RNF123: variants seen among roughly 807,000 people sequenced by gnomAD.
The protein encoded by RNF123 is E3 ubiquitin-protein ligase RNF123.
Under a neutral mutation model 168.5 loss-of-function variants are expected in RNF123, and 86 were observed. The observed-to-expected ratio is 0.51, with a 90% CI of 0.43 to 0.61. The LOEUF (loss-of-function observed/expected upper bound fraction) is 0.61. Ranked by LOEUF, RNF123 falls within the 20% of genes least tolerant of loss-of-function variation. The pLI is 0.00. For missense variants in RNF123, 1,419 were observed against 1,729.7 expected, an observed-to-expected ratio of 0.82 and a Z score of 3.19; for synonymous variants, 666 against 689.1, an observed-to-expected ratio of 0.97 and a Z score of 0.52.
At chr3:49,716,080 T>G in intron 33 of RNF123, 22 bp from the exon 34 acceptor site, 2 of 1,613,740 alleles carry the variant, frequency 1.2e-6, no homozygotes, top group Non-Finnish European at 1.7e-6. Flanking sequence ...CATCCACCAA[T>G]GGACTCCTGC....
rs1445577453 is a variant in RNF123, at chr3:49,701,614, T to C, written c.1395+6T>C. ...CCCACTGCTCCAGTAGGGAGGTGAGTGCACCCCAAGTGGGATGGGCAGAGG... is the reference window on the plus strand; with the variant it reads ...CCCACTGCTCCAGTAGGGAGGTGAGCGCACCCCAAGTGGGATGGGCAGAGG... On this transcript the variant is annotated splice_donor_region_variant and intron_variant, in intron 16 of 38. Transcript: ENST00000327697. The C allele has an allele frequency of 3.7e-6, 6 of 1,609,524 alleles. No homozygotes were observed. The highest frequency in any genetic ancestry group is 5.1e-6 in the Non-Finnish European group (6 of 1,176,494).
intron 19 of RNF123, 98 bp downstream of exon 19, chr3:49,702,503 C>G (rs2054424325): frequency 1.2e-6 from 2 of 1,602,416 alleles, no homozygotes; most frequent in East Asian, 2.2e-5. Flanking sequence ...TCATCCCTGC[C>G]TAGCCCCAAG....
chr3:49,692,726 T>A (rs1401631653), intron 3 of RNF123, among the ~76,000 whole-genome samples: 1 of 152,240 alleles, frequency 6.6e-6, no homozygotes, highest in African/African-American at 2.4e-5. Flanking sequence ...ACATGCAATG[T>A]TTGTCTTTTT....
At chr3:49,715,524 G>C (rs776804938) in intron 31 of RNF123, 51 bp from the exon 32 acceptor site, 8 of 1,608,970 alleles carry the variant, frequency 5.0e-6, no homozygotes, top group Non-Finnish European at 5.9e-6. Context: ...CAAACAGGCA[G>C]AGGCCACTGC....
chr3:49,705,102 T>A lies in RNF123; in HGVS notation c.2078T>A (p.Met693Lys). Residue 693 changes from methionine to lysine, a missense_variant, in exon 23 of 39, where the codon ATG (methionine) becomes AAG (lysine). Physicochemically the swap from Met to Lys is moderately conservative, Grantham distance 95 (BLOSUM62 -1). This residue lies in a region of RNF123 where 538 missense variants were observed against 708.8 expected (regional missense o/e 0.76). Transcript: ENST00000327697. Reference sequence around the variant, plus strand: ...CTCAGCACAGCGGCTGTGAGCCTCATGACCCCACGGCGGCCTCTGAGCACC... The same window carrying A: ...CTCAGCACAGCGGCTGTGAGCCTCAAGACCCCACGGCGGCCTCTGAGCACC... ...RFLSTAAVSL[M>K]TPRRPLSTSE... 6.2e-7 allele frequency: 1 copy of A among 1,611,436 alleles called. No individual in the cohort carries two copies. The highest frequency in any genetic ancestry group is 8.5e-7 in the Non-Finnish European group (1 of 1,178,884).
chr3:49,693,404 T>A (rs948566251), intron 3 of RNF123, among the ~76,000 whole-genome samples: 1 of 129,980 alleles, frequency 7.7e-6, no homozygotes, highest in African/African-American at 2.9e-5. Context: ...TTGCCCAGCC[T>A]GGAGTGCAGT....
At chr3:49,704,596 C>G in intron 21 of RNF123, 54 bp from the exon 22 acceptor site, 1 of 1,467,026 alleles carries the variant, frequency 6.8e-7, no homozygotes, top group Non-Finnish European at 9.4e-7. Flanking sequence ...GGCACTTCCA[C>G]TGTGGCCCCT....
intron 34 of RNF123, 24 bp from the exon 35 acceptor site, chr3:49,716,369 T>C: frequency 6.2e-7 from 1 of 1,610,054 alleles, no homozygotes; most frequent in Non-Finnish European, 8.5e-7. Context: ...GGGTGGCTCA[T>C]CTCTTTCCTC....
chr3:49,704,517 G>T, intron 21 of RNF123, 133 bp from the exon 22 acceptor site: 1 of 684,924 alleles, frequency 1.5e-6, no homozygotes, highest in South Asian at 1.9e-5. Flanking sequence ...GGGGCGAGGG[G>T]CAGATACGGT....
Position 49,702,319 on chromosome 3 carries a change from T to C in RNF123, c.1558-15T>C. On this transcript the variant is annotated splice_polypyrimidine_tract_variant and intron_variant, in intron 18 of 38. Coordinates refer to ENST00000327697, the MANE Select transcript of RNF123 (RefSeq NM_022064.5). ...TTCTCAGCTCAGCACAGCCTCACTT[T>C]TCCCTCTCTCAAAGGGTGAAGCTTC... The C allele has an allele frequency of 6.2e-7, 1 of 1,613,968 alleles. No homozygotes were observed.
chr3:49,714,999 G>T (rs547840177), intron 31 of RNF123, among the ~76,000 whole-genome samples: 2 of 152,380 alleles, frequency 1.3e-5, no homozygotes, highest in Non-Finnish European at 2.9e-5. Flanking sequence ...CTGTCCTGCT[G>T]CTGCGGGAAC....
chr3:49,714,064 C>T (rs2080194705), intron 30 of RNF123, 26 bp from the exon 31 acceptor site: 2 of 1,613,956 alleles, frequency 1.2e-6, no homozygotes, highest in Non-Finnish European at 1.7e-6. Context: ...TCCCATTGAC[C>T]TGGGCACTGA....
rs34539806 is a variant in RNF123, at chr3:49,705,151, G to A, written c.2127G>A (p.Thr709=). 0.016 allele frequency: 25,320 copies of A among 1,606,880 alleles called. 264 individuals carry two copies. The highest frequency in any genetic ancestry group is 0.016 in the Non-Finnish European group (19,366 of 1,176,474). The part of the protein sequence containing the change: ...LSTSEKVKVR[T]LSVEQRTRED... ...CCTCGGAGAAAGTGAAGGTCCGCAC[G>A]CTGAGCGTGGAGCAGAGGACCCGTG... is the stretch of plus-strand genomic sequence containing the variant. Residue 709 remains threonine (T), a synonymous_variant, in exon 23 of 39, where the codon ACG becomes ACA. Transcript: ENST00000327697.
intron 35 of RNF123, chr3:49,719,317 A>C: frequency 6.2e-7 from 1 of 1,613,268 alleles, no homozygotes; most frequent in East Asian, 2.2e-5. Flanking sequence ...CTGCAGCCCT[A>C]GGCCAGTGCA....
rs979514514 is a variant in RNF123 at position 49,720,640 on chromosome 3, C to T, written c.3630C>T (p.Phe1210=). 4 of 1,600,508 alleles carry T rather than the reference C, an allele frequency of 2.5e-6. No homozygotes were observed. Among genetic ancestry groups the T allele is most frequent in the Non-Finnish European group, 3.4e-6 (4 of 1,170,744 alleles). Residue 1210 remains phenylalanine, a synonymous_variant, in exon 36 of 39, where the codon TTC becomes TTT. Transcript: ENST00000327697. ...TALPAPDRKR[F]SLQSYADYIS... The stretch of plus-strand genomic sequence containing the variant: ...TGCCAGCCCCTGACCGGAAGCGCTT[C>T]TCCCTGCAGAGCTGTGAGTGGGCTG...
At position 49,702,743 on chromosome 3, in the gene RNF123, C is replaced by T; in HGVS notation, c.1740C>T (p.Ser580=). The T allele has an allele frequency of 1.2e-6, 2 of 1,614,178 alleles. No individual in the cohort carries two copies. Among genetic ancestry groups the T allele is most frequent in the South Asian group, 1.1e-5 (1 of 91,084 alleles). Residue 580 remains serine, a synonymous_variant, in exon 20 of 39, where the codon TCC becomes TCT. Transcript: ENST00000327697. ...DEYKASNPHA[S]FSEEAYIPPQ... Reference sequence around the variant, plus strand: ...ACAAGGCTTCCAATCCTCATGCTTCCTTCAGTGAGGGTGAGTGGCACCGGG... The same window carrying T: ...ACAAGGCTTCCAATCCTCATGCTTCTTTCAGTGAGGGTGAGTGGCACCGGG...
intron 31 of RNF123, 104 bp downstream of exon 31, chr3:49,714,278 T>G: frequency 1.9e-6 from 2 of 1,038,360 alleles, no homozygotes; most frequent in Admixed American, 1.9e-5. Context: ...CCCTCTCTGG[T>G]TCCCCCATTG....
At chr3:49,717,819 C>G in intron 35 of RNF123, 5 of 982,432 alleles carry the variant, frequency 5.1e-6, no homozygotes, top group Non-Finnish European at 7.4e-6. Flanking sequence ...CATTGTGTTT[C>G]GAGGCCCATA....
intron 3 of RNF123, among the ~76,000 whole-genome samples, chr3:49,695,962 G>C (rs2054259695): frequency 6.6e-6 from 1 of 152,224 alleles, no homozygotes; most frequent in African/African-American, 2.4e-5. Context: ...GGTGGGTCAT[G>C]TGCTCCGCTG....
Sources: allele counts gnomAD v4.1 joint callset (sites outside exome capture counted in the v4.1 genomes callset), GRCh38; gene constraint gnomAD v4.1.1; regional missense constraint gnomAD v4.1.1; transcripts MANE v1.5; gene names NCBI Gene and HGNC (gene_info 2026-07-23, HGNC 2026-07-21).